The following ZNF407 variants were observed in gnomAD, a reference collection of about 807,000 sequenced individuals.
The protein encoded by ZNF407 is zinc finger protein 407.
ZNF407 carries 17 observed loss-of-function variants against 131.2 expected under a neutral mutation model. That is an observed-to-expected ratio of 0.13 (90% confidence interval 0.09 to 0.19). The LOEUF (loss-of-function observed/expected upper bound fraction) is 0.19, where lower values mean the gene tolerates loss of function less well. ZNF407 is among the 10% of genes least tolerant of loss of function. The probability of loss-of-function intolerance (pLI) is 1.00; values close to 1 mark genes in which losing one functional copy is unlikely to be tolerated. For synonymous variants in ZNF407, 1,156 were observed against 1,062.0 expected, an observed-to-expected ratio of 1.09 and a Z score of -1.72; for missense variants, 2,681 against 2,830.6, an observed-to-expected ratio of 0.95 and a Z score of 1.20.
intron 8 of ZNF407, among the ~76,000 whole-genome samples, chr18:74,964,475 C>A (rs547528823): frequency 6.6e-6 from 1 of 151,192 alleles, no homozygotes; most frequent in Non-Finnish European, 1.5e-5. Flanking sequence ...CTTGGAATTT[C>A]TTGTATGTAT....
At chr18:75,029,793 G>A (rs928699917) in intron 8 of ZNF407, among the ~76,000 whole-genome samples, 8 of 152,174 alleles carry the variant, frequency 5.3e-5, no homozygotes, top group South Asian at 2.1e-4. Context: ...TACAGTGAAC[G>A]GATGTCTTAG....
chr18:75,011,543 A>G (rs1269953365), intron 8 of ZNF407, among the ~76,000 whole-genome samples: 1 of 152,198 alleles, frequency 6.6e-6, no homozygotes, highest in African/African-American at 2.4e-5. Context: ...CTTTGCTTAC[A>G]AAGAATCCCA....
At chr18:74,974,855 C>T (rs1287153539) in intron 8 of ZNF407, among the ~76,000 whole-genome samples, 1 of 152,288 alleles carries the variant, frequency 6.6e-6, no homozygotes, top group East Asian at 1.9e-4. Flanking sequence ...ACAATTACAG[C>T]TCTCGAGATT....
At chr18:74,605,371 C>G (rs1219352379) in intron 1 of ZNF407, among the ~76,000 whole-genome samples, 1 of 152,074 alleles carries the variant, frequency 6.6e-6, no homozygotes, top group African/African-American at 2.4e-5. Context: ...CTATGAAATG[C>G]GTATTATCTT....
Position 74,634,815 on chromosome 18 carries a change from G to A in ZNF407, c.3796G>A (p.Val1266Ile), listed in dbSNP as rs751450561. ...GERSAESPVL[V>I]VTRITREQGN... is the part of the protein sequence containing the mutation. ...GCGCTCGGCTGAAAGCCCTGTGCTCGTTGTGACAAGAATAACCAGAGAACA... is the reference window on the plus strand; with the variant it reads ...GCGCTCGGCTGAAAGCCCTGTGCTCATTGTGACAAGAATAACCAGAGAACA... Residue 1266 changes from valine to isoleucine, a missense_variant, in exon 2 of 9, where the codon GTT becomes ATT. Physicochemically the swap from Val to Ile is conservative, Grantham distance 29. Transcript: ENST00000299687. 3.0e-5 allele frequency: 48 copies of A among 1,613,848 alleles called. No individual in the cohort carries two copies. Among genetic ancestry groups the A allele is most frequent in the African/African-American group, 2.5e-4 (19 of 74,944 alleles).
chr18:75,060,488 T>C (rs1041188147), intron 8 of ZNF407, among the ~76,000 whole-genome samples: 2 of 142,416 alleles, frequency 1.4e-5, no homozygotes, highest in Non-Finnish European at 1.5e-5. Flanking sequence ...TGCAGCTCTT[T>C]TCTTTTTTTT....
chr18:74,674,747 A>G (rs1242201943), intron 3 of ZNF407, among the ~76,000 whole-genome samples: 1 of 152,224 alleles, frequency 6.6e-6, no homozygotes, highest in Non-Finnish European at 1.5e-5. Context: ...CTAGTGAAAC[A>G]GCAATAGGCA....
chr18:74,998,204 C>G (rs568531397), intron 8 of ZNF407, among the ~76,000 whole-genome samples: 38 of 152,148 alleles, frequency 2.5e-4, no homozygotes, highest in Admixed American at 1.4e-3. Context: ...AGATTTAATT[C>G]CCTGAGGCAG....
Position 74,890,017 on chromosome 18 carries a change from G to A in ZNF407, c.5228G>A (p.Arg1743Lys). 2 of 1,596,614 alleles carry A rather than the reference G, an allele frequency of 1.3e-6. No homozygotes were observed. The highest frequency in any genetic ancestry group is 2.7e-5 in the African/African-American group (2 of 74,658). The change falls in exon 7 of 9, where the codon AGA becomes AAA. Residue 1743 changes from arginine to lysine, a missense_variant. Coordinates refer to ENST00000299687, the MANE Select transcript of ZNF407 (RefSeq NM_017757.3). ...KRVHTGEKPYRCPWCDYRSNC... is the reference protein window; with the variant it reads ...KRVHTGEKPYKCPWCDYRSNC... ...GTCCACACTGGAGAAAAGCCCTACA[G>A]ATGCCCCTGGTGTGACTACAGGTAA...
chr18:74,733,135 A>G (rs1223350455), intron 3 of ZNF407, among the ~76,000 whole-genome samples: 1 of 152,094 alleles, frequency 6.6e-6, no homozygotes, highest in Non-Finnish European at 1.5e-5. Flanking sequence ...TTTTCAAGAT[A>G]TAATAAGCAA....
chr18:74,634,295 A>C lies in ZNF407; in HGVS notation c.3276A>C (p.Lys1092Asn), dbSNP rs1484668609. Residue 1092 changes from lysine to asparagine, a missense_variant, in exon 2 of 9, where the codon AAA (lysine) becomes AAC (asparagine). Around this residue, in one of 6 missense-constraint regions of ZNF407, gnomAD observed 1,789 missense variants for 1,748.7 expected, o/e 1.02. Transcript: ENST00000299687. Reference protein sequence around the residue: ...NVEAGSADMSKNIIMPEEEHQ... With the variant: ...NVEAGSADMSNNIIMPEEEHQ... ...AAGCTGGTTCTGCAGACATGTCCAA[A>C]AACATCATTATGCCTGAAGAAGAGC... 4.3e-6 allele frequency: 7 copies of C among 1,613,926 alleles called. No homozygotes were observed. The African/African-American group carries it at 9.3e-5, about 22-fold the overall frequency.
intron 4 of ZNF407, among the ~76,000 whole-genome samples, chr18:74,833,650 GC>G (rs1970515674): frequency 6.6e-6 from 1 of 152,226 alleles, no homozygotes; most frequent in African/African-American, 2.4e-5. Context: ...AGGTCCTGTT[GC>G]CCTTGGCACG....
At chr18:74,733,475 T>A (rs1310400381) in intron 3 of ZNF407, among the ~76,000 whole-genome samples, 1 of 152,186 alleles carries the variant, frequency 6.6e-6, no homozygotes, top group African/African-American at 2.4e-5. Context: ...TTAAAAAATG[T>A]TATTGCTATT....
chr18:74,970,063 G>A (rs1028874910), intron 8 of ZNF407, among the ~76,000 whole-genome samples: 1 of 152,110 alleles, frequency 6.6e-6, no homozygotes, highest in African/African-American at 2.4e-5. Context: ...CAAGGAAGAA[G>A]CAAAAGTGGA....
intron 1 of ZNF407, among the ~76,000 whole-genome samples, chr18:74,616,135 G>T (rs910500602): frequency 5.7e-4 from 87 of 152,256 alleles, no homozygotes; most frequent in African/African-American, 2.0e-3. Context: ...AACCAGTTTT[G>T]CCAGTAATGG....
At chr18:74,933,763 T>C (rs10514149) in intron 8 of ZNF407, among the ~76,000 whole-genome samples, 23,933 of 152,190 alleles carry the variant, frequency 0.16, 2,114 homozygotes, top group Admixed American at 0.27. Flanking sequence ...TGGCTTGACC[T>C]TCTGAAATTT....
chr18:74,824,285 A>G (rs1424914319), intron 4 of ZNF407, among the ~76,000 whole-genome samples: 4 of 152,210 alleles, frequency 2.6e-5, no homozygotes, highest in Non-Finnish European at 4.4e-5. Context: ...CCACACACTA[A>G]CATCAAAATT....
At chr18:74,853,214 T>G (rs919610777) in intron 4 of ZNF407, among the ~76,000 whole-genome samples, 1 of 152,232 alleles carries the variant, frequency 6.6e-6, no homozygotes, top group Non-Finnish European at 1.5e-5. Flanking sequence ...CCACTACTGT[T>G]GTCTTTGTAT....
intron 5 of ZNF407, among the ~76,000 whole-genome samples, chr18:74,877,640 T>C (rs1019722370): frequency 6.6e-6 from 1 of 152,234 alleles, no homozygotes; most frequent in Non-Finnish European, 1.5e-5. Flanking sequence ...TATGTGTATA[T>C]ATATATTTGT....
Sources: gnomAD v4.1 joint callset for allele counts (sites outside exome capture counted in the v4.1 genomes callset) on GRCh38, gnomAD v4.1.1 for gene constraint, gnomAD v4.1.1 regional missense constraint, MANE v1.5 for transcripts, NCBI Gene and HGNC (gene_info 2026-07-23, HGNC 2026-07-21) for gene names.